The following KLHL1 variants were observed in gnomAD, a reference collection of about 807,000 sequenced individuals.
KLHL1 encodes kelch-like protein 1.
KLHL1 carries 47 observed loss-of-function variants against 77.7 expected under a neutral mutation model. The observed-to-expected ratio is 0.60, with a 90% confidence interval of 0.48 to 0.77. The LOEUF is 0.77. KLHL1 is among the 30% of genes least tolerant of loss of function. The probability of loss-of-function intolerance (pLI) is 0.00; values close to 1 mark genes in which losing one functional copy is unlikely to be tolerated. For missense variants in KLHL1, 925 were observed against 910.8 expected, an observed-to-expected ratio of 1.02 and a Z score of -0.20; for synonymous variants, 360 against 325.2, an observed-to-expected ratio of 1.11 and a Z score of -1.15.
chr13:69,819,270 C>G (rs775263048), intron 6 of KLHL1, among the ~76,000 whole-genome samples: 1 of 152,020 alleles, frequency 6.6e-6, no homozygotes, highest in Non-Finnish European at 1.5e-5. Flanking sequence ...AGACAAATAT[C>G]AGGGGTTTAA....
chr13:69,976,873 A>C (rs2137293428), intron 1 of KLHL1, among the ~76,000 whole-genome samples: 1 of 152,234 alleles, frequency 6.6e-6, no homozygotes, highest in East Asian at 1.9e-4. Context: ...AATTAATTAG[A>C]GTCATCTCAA....
At chr13:70,060,881 A>AG (rs1270736999) in intron 1 of KLHL1, among the ~76,000 whole-genome samples, 1 of 152,128 alleles carries the variant, frequency 6.6e-6, no homozygotes, top group Non-Finnish European at 1.5e-5. Context: ...TATAAACAAT[A>AG]GAGTACCCTT....
At chr13:69,967,444 G>A (rs370512333) in intron 2 of KLHL1, among the ~76,000 whole-genome samples, 3 of 152,290 alleles carry the variant, frequency 2.0e-5, no homozygotes, top group African/African-American at 7.2e-5. Flanking sequence ...ATCTGAAGAT[G>A]TAACTGAATT....
intron 8 of KLHL1, 83 bp from the exon 9 acceptor site, chr13:69,719,664 C>A: frequency 1.9e-6 from 2 of 1,058,212 alleles, no homozygotes; most frequent in South Asian, 1.5e-5. Flanking sequence ...AATAAATTTT[C>A]ACAGTATGAG....
At chr13:69,800,477 ATATTT>A (rs1438471213) in intron 6 of KLHL1, among the ~76,000 whole-genome samples, 3 of 152,140 alleles carry the variant, frequency 2.0e-5, no homozygotes, top group African/African-American at 7.2e-5. Flanking sequence ...ATGAAAAAGG[ATATTT>A]TATGTTTGTA....
intron 3 of KLHL1, among the ~76,000 whole-genome samples, chr13:69,956,082 AT>A (rs1432994031): frequency 1.7e-5 from 2 of 116,262 alleles, no homozygotes; most frequent in East Asian, 3.2e-4. Context: ...TGATATATAT[AT>A]TTTTATATAT....
chr13:70,065,326 A>G (rs1886980903), intron 1 of KLHL1, among the ~76,000 whole-genome samples: 6 of 152,330 alleles, frequency 3.9e-5, no homozygotes. Flanking sequence ...TGCCTATAAC[A>G]GATGACAGTG....
At chr13:69,872,264 G>A (rs1444590846) in intron 5 of KLHL1, among the ~76,000 whole-genome samples, 1 of 152,132 alleles carries the variant, frequency 6.6e-6, no homozygotes, top group Non-Finnish European at 1.5e-5. Context: ...ACATAGGGGG[G>A]ACTCCAGGGA....
Position 69,800,040 on chromosome 13 carries a change from G to C in KLHL1, c.1415-3078C>G, listed in dbSNP as rs141537684. 3.3e-3 allele frequency among the ~76,000 whole-genome samples: 501 copies of C among 152,142 alleles called. 3 individuals carry two copies. The highest frequency in any genetic ancestry group is 0.011 in the African/African-American group (466 of 41,516). ...ACCCTGAAACCAACCCCCACTCTCC[G>C]ACCCCTGTCCATGGAAAAATGTTCT... On this transcript the variant is annotated intron_variant, in intron 6 of 10. Coordinates refer to ENST00000377844, the MANE Select transcript of KLHL1 (RefSeq NM_020866.3).
At chr13:69,956,135 A>T (rs1359914751) in intron 3 of KLHL1, among the ~76,000 whole-genome samples, 2 of 141,856 alleles carry the variant, frequency 1.4e-5, no homozygotes, top group Non-Finnish European at 1.5e-5. Flanking sequence ...TTTGATATAT[A>T]TGATATATAT....
intron 5 of KLHL1, among the ~76,000 whole-genome samples, chr13:69,855,345 T>TAGATAGAC (rs1566329642): frequency 1.4e-5 from 1 of 72,322 alleles, no homozygotes; most frequent in Non-Finnish European, 2.7e-5. Flanking sequence ...GATAGATAGA[T>TAGATAGAC]AGACAGACAG....
intron 1 of KLHL1, among the ~76,000 whole-genome samples, chr13:69,996,043 G>T (rs990256941): frequency 3.3e-5 from 5 of 152,088 alleles, no homozygotes; most frequent in African/African-American, 1.2e-4. Context: ...GGTAGCTCAC[G>T]CCTGTAATCC....
At chr13:69,921,081 C>T (rs1418506158) in intron 4 of KLHL1, among the ~76,000 whole-genome samples, 1 of 152,164 alleles carries the variant, frequency 6.6e-6, no homozygotes, top group Non-Finnish European at 1.5e-5. Context: ...CAAGGGACAA[C>T]TATTTTTTCC....
intron 6 of KLHL1, among the ~76,000 whole-genome samples, chr13:69,816,269 T>C (rs1487736282): frequency 2.0e-5 from 3 of 151,034 alleles, no homozygotes; most frequent in Non-Finnish European, 4.4e-5. Context: ...TTTTTCTTTT[T>C]TTTTTTTTTT....
chr13:69,876,638 A>G (rs1186840065), intron 5 of KLHL1, among the ~76,000 whole-genome samples: 1 of 152,154 alleles, frequency 6.6e-6, no homozygotes, highest in African/African-American at 2.4e-5. Context: ...GTACATGCAC[A>G]TAAACACTCA....
rs879013871 is a variant in KLHL1 at position 69,719,205 on chromosome 13, TGTGTGAGAGAGA to T, written c.2015+152_2015+163del. On this transcript the variant is annotated intron_variant, in intron 9 of 10. Transcript: ENST00000377844. Reference sequence around the variant, plus strand: ...GTACGTGTGTGTGTGTGTGTGTGTGTGTGTGAGAGAGAGAGAGAGAGAGAGAGAGAAAGGAGT... The same window carrying T: ...GTACGTGTGTGTGTGTGTGTGTGTGTGAGAGAGAGAGAGAGAGAAAGGAGT... Among the ~76,000 whole-genome samples, 71 of 13,418 alleles carry T rather than the reference TGTGTGAGAGAGA, an allele frequency of 5.3e-3. No individual in the cohort carries two copies. The South Asian group carries it at 0.3, about 56-fold the overall frequency. 8.8% of individuals were successfully genotyped at this position (13,418 alleles called of 152,430 possible).
At chr13:69,929,730 G>T (rs1882937123) in intron 4 of KLHL1, among the ~76,000 whole-genome samples, 1 of 151,650 alleles carries the variant, frequency 6.6e-6, no homozygotes, top group African/African-American at 2.4e-5. Context: ...TTCATTATTA[G>T]TCATATTTTT....
intron 1 of KLHL1, among the ~76,000 whole-genome samples, chr13:70,079,916 G>T (rs2137428518): frequency 6.6e-6 from 1 of 152,274 alleles, no homozygotes; most frequent in South Asian, 2.1e-4. Context: ...TTTTAGAACT[G>T]AATCATTTTT....
intron 1 of KLHL1, among the ~76,000 whole-genome samples, chr13:70,103,762 A>G (rs977644217): frequency 2.6e-5 from 4 of 152,212 alleles, no homozygotes; most frequent in Non-Finnish European, 2.9e-5. Flanking sequence ...TATTCTCTGA[A>G]ATACAGTAGA....
Sources: gnomAD v4.1 joint callset for allele counts (sites outside exome capture counted in the v4.1 genomes callset) on GRCh38, gnomAD v4.1.1 for gene constraint, MANE v1.5 for transcripts, NCBI Gene and HGNC (gene_info 2026-07-23, HGNC 2026-07-21) for gene names.